CNKSR3: variants seen among roughly 807,000 people sequenced by gnomAD.
The protein encoded by CNKSR3 is CNKSR family member 3, also known as connector enhancer of kinase suppressor of ras 3.
A neutral mutation model predicts 67.7 loss-of-function variants in CNKSR3; 36 were observed. That is an observed-to-expected ratio of 0.53 (90% CI 0.41 to 0.70). The LOEUF (loss-of-function observed/expected upper bound fraction) is 0.70. CNKSR3 is among the 30% of genes least tolerant of loss of function. CNKSR3 has a pLI of 0.00. For synonymous variants in CNKSR3, 281 were observed against 271.4 expected, an observed-to-expected ratio of 1.04 and a Z score of -0.35; for missense variants, 630 against 695.2, an observed-to-expected ratio of 0.91 and a Z score of 1.05.
chr6:154,413,294 G>A (rs2128711844), intron 10 of CNKSR3, among the ~76,000 whole-genome samples: 2 of 152,042 alleles, frequency 1.3e-5, no homozygotes, highest in African/African-American at 2.4e-5. Context: ...GTATGATCAT[G>A]GTGTATTGTA....
intron 1 of CNKSR3, among the ~76,000 whole-genome samples, chr6:154,471,255 T>C (rs1786324719): frequency 6.6e-6 from 1 of 152,202 alleles, no homozygotes; most frequent in African/African-American, 2.4e-5. Context: ...TATAAATATG[T>C]GTTGCTTGCC....
rs1290319671 is a variant in CNKSR3, at chr6:154,396,525, A to T, written c.*9829T>A. 9 of 152,206 alleles carry T rather than the reference A, an allele frequency of 5.9e-5. No individual in the cohort carries two copies. The East Asian group carries it at 1.5e-3, about 26-fold the overall frequency. The allele number at this position is 152,206 out of a possible 1,614,324, so 9.4% of individuals were successfully genotyped here. A position where few individuals can be genotyped will look rare whatever the true frequency, so the allele number is the denominator to read the frequency against. On this transcript the variant is annotated 3_prime_UTR_variant, in exon 13 of 13. Transcript: ENST00000607772. ...CTTCAATAATATTTTCTCTGCCTAC[A>T]GAGCAAATATAAGGGTAAATTATAC...
Position 154,510,167 on chromosome 6 carries a change from T to G in CNKSR3, c.-53A>C. Reference sequence around the variant, plus strand: ...TGGAGAGTCGCAGATAAAGTGCTGCTGCCTGCGCTCCGGTGCCCCTTCCCG... The same window carrying G: ...TGGAGAGTCGCAGATAAAGTGCTGCGGCCTGCGCTCCGGTGCCCCTTCCCG... On this transcript the variant is annotated 5_prime_UTR_variant, in exon 1 of 13. Coordinates refer to ENST00000607772, the MANE Select transcript of CNKSR3 (RefSeq NM_173515.4). The G allele has an allele frequency of 6.2e-7, 1 of 1,606,622 alleles. No individual in the cohort carries two copies. The highest frequency in any genetic ancestry group is 8.5e-7 in the Non-Finnish European group (1 of 1,173,894).
intron 2 of CNKSR3, among the ~76,000 whole-genome samples, chr6:154,443,178 G>A (rs1050054036): frequency 9.2e-5 from 14 of 152,136 alleles, no homozygotes; most frequent in African/African-American, 2.2e-4. Flanking sequence ...GATTACAGGC[G>A]TGAGCCACCG....
rs191342471 is a variant in CNKSR3 at position 154,509,768 on chromosome 6, A to C, written c.52+295T>G. ...AGAGCGCCCCCCGGCCCGAGTGCCG[A>C]GTCCCGAGATCGGCATCCCCAGCCC... On this transcript the variant is annotated intron_variant, in intron 1 of 12. Coordinates refer to ENST00000607772, the MANE Select transcript of CNKSR3 (RefSeq NM_173515.4). Among the ~76,000 whole-genome samples, 926 of 152,136 alleles carry C rather than the reference A, an allele frequency of 6.1e-3. 4 individuals carry two copies. The highest frequency in any genetic ancestry group is 9.4e-3 in the Non-Finnish European group (642 of 67,970).
chr6:154,394,686 A>G lies in CNKSR3; in HGVS notation c.*11668T>C, dbSNP rs1784641228. Reference sequence around the variant, plus strand: ...AAATAGAAAATAAAAAGCAGAAATCAGTGAAATTGAAAACAAAGAAACAAC... The same window carrying G: ...AAATAGAAAATAAAAAGCAGAAATCGGTGAAATTGAAAACAAAGAAACAAC... On this transcript the variant is annotated 3_prime_UTR_variant, in exon 13 of 13. Transcript: ENST00000607772. The G allele has an allele frequency of 2.6e-5, 4 of 151,974 alleles. No homozygotes were observed. The highest frequency in any genetic ancestry group is 9.7e-5 in the African/African-American group (4 of 41,384). 9.4% of individuals were successfully genotyped at this position (151,974 alleles called of 1,614,324 possible). A position where few individuals can be genotyped will look rare whatever the true frequency, so the allele number is the denominator to read the frequency against.
intron 1 of CNKSR3, among the ~76,000 whole-genome samples, chr6:154,496,315 G>GCTTTCATTCTATCCTCTATA (rs1554238548): frequency 1.3e-5 from 2 of 151,868 alleles, no homozygotes; most frequent in African/African-American, 2.4e-5. Flanking sequence ...GAACAGCAAA[G>GCTTTCATTCTATCCTCTATA]GCAACCAGGA....
intron 5 of CNKSR3, 61 bp from the exon 6 acceptor site, chr6:154,430,652 T>C (rs1028741972): frequency 1.3e-6 from 2 of 1,505,176 alleles, no homozygotes; most frequent in African/African-American, 2.8e-5. Context: ...TATCTCAAGC[T>C]GATTTTTAGA....
intron 1 of CNKSR3, among the ~76,000 whole-genome samples, chr6:154,465,748 T>C (rs1285880591): frequency 6.6e-6 from 1 of 152,208 alleles, no homozygotes; most frequent in Admixed American, 6.5e-5. Flanking sequence ...TTCATGGCCA[T>C]GTAGATATAA....
chr6:154,455,832 CAAAGAG>C (rs1276724954), intron 1 of CNKSR3, among the ~76,000 whole-genome samples: 1 of 151,964 alleles, frequency 6.6e-6, no homozygotes, highest in African/African-American at 2.4e-5. Context: ...CATTTCTGCA[CAAAGAG>C]AAATATCATA....
intron 7 of CNKSR3, among the ~76,000 whole-genome samples, chr6:154,427,810 G>A (rs1384803136): frequency 6.6e-6 from 1 of 152,136 alleles, no homozygotes; most frequent in African/African-American, 2.4e-5. Flanking sequence ...TTATAAGAGT[G>A]ACTCTCAAAA....
chr6:154,421,871 T>C (rs997511056), intron 9 of CNKSR3, among the ~76,000 whole-genome samples: 25 of 152,002 alleles, frequency 1.6e-4, no homozygotes, highest in African/African-American at 4.6e-4. Flanking sequence ...TCTGCAATAA[T>C]GAAAATGTCC....
intron 1 of CNKSR3, among the ~76,000 whole-genome samples, chr6:154,470,106 C>G (rs1208108742): frequency 1.3e-5 from 2 of 151,094 alleles, no homozygotes; most frequent in African/African-American, 4.9e-5. Flanking sequence ...TTCCATCACC[C>G]CAAAAAGAAA....
At chr6:154,499,184 T>G (rs57337902) in intron 1 of CNKSR3, among the ~76,000 whole-genome samples, 22,010 of 152,198 alleles carry the variant, frequency 0.14, 2,026 homozygotes, top group African/African-American at 0.27. Context: ...CCAAGGTTCA[T>G]TACTCATCTA....
rs576113178 is a variant in CNKSR3 at position 154,408,325 on chromosome 6, C to T, written c.1370-1673G>A. Among the ~76,000 whole-genome samples, 18 of 152,252 alleles carry T rather than the reference C, an allele frequency of 1.2e-4. No individual in the cohort carries two copies. The East Asian group carries it at 3.5e-3, about 29-fold the overall frequency. ...GGTGTGAGCCACCGCACCTGGCCAA[C>T]TTCTCCCATTTTGCACATTTTTCTA... On this transcript the variant is annotated intron_variant, in intron 12 of 12. Coordinates refer to ENST00000607772, the MANE Select transcript of CNKSR3 (RefSeq NM_173515.4).
Position 154,414,356 on chromosome 6 carries a change from T to G in CNKSR3, c.1013A>C (p.Lys338Thr). Residue 338 changes from lysine to threonine, a missense_variant, in exon 10 of 13, where the codon AAG becomes ACG. By Grantham distance (78) the Lys-to-Thr change is moderately conservative. Around this residue, in one of 3 missense-constraint regions of CNKSR3, gnomAD observed 308 missense variants for 299.6 expected, o/e 1.03. Transcript: ENST00000607772. ...STMDTSLKKE[K>T]SAILDLYIPP... ...AATATAAAGATCCAGGATGGCTGAC[T>G]TCTCCTTCTTCAGTGAGGTATCCAT... 1 of 1,612,180 alleles carries G rather than the reference T, an allele frequency of 6.2e-7. No homozygotes were observed. The highest frequency in any genetic ancestry group is 1.3e-5 in the African/African-American group (1 of 74,948).
intron 7 of CNKSR3, among the ~76,000 whole-genome samples, chr6:154,427,695 T>TA (rs1357208847): frequency 2.6e-5 from 4 of 152,062 alleles, no homozygotes; most frequent in African/African-American, 9.7e-5. Context: ...AACACAACTA[T>TA]AAAAATATGT....
intron 1 of CNKSR3, among the ~76,000 whole-genome samples, chr6:154,460,788 A>C (rs912573345): frequency 6.6e-6 from 1 of 152,202 alleles, no homozygotes; most frequent in Non-Finnish European, 1.5e-5. Context: ...TGAAGGGTAG[A>C]ATTAACTAGC....
rs1435923951 is a variant in CNKSR3, at chr6:154,496,407, C to G, written c.52+13656G>C. 1.4e-5 allele frequency among the ~76,000 whole-genome samples: 2 copies of G among 142,872 alleles called. 1 individual carries two copies. The highest frequency in any genetic ancestry group is 3.2e-5 in the Non-Finnish European group (2 of 62,352). 93.7% of individuals were successfully genotyped at this position (142,872 alleles called of 152,430 possible). A position where few individuals can be genotyped will look rare whatever the true frequency, so the allele number is the denominator to read the frequency against. On this transcript the variant is annotated intron_variant, in intron 1 of 12. Coordinates refer to ENST00000607772, the MANE Select transcript of CNKSR3 (RefSeq NM_173515.4). ...ATTTCCGTTTAAGGCTTTTCTGGTT[C>G]CACAGCAGCCCGCAGGAGAGGCCAG...
Sources: allele counts gnomAD v4.1 joint callset (sites outside exome capture counted in the v4.1 genomes callset), GRCh38; gene constraint gnomAD v4.1.1; regional missense constraint gnomAD v4.1.1; transcripts MANE v1.5; gene names NCBI Gene and HGNC (gene_info 2026-07-23, HGNC 2026-07-21).